Variants in MEIKIN observed in about 807,000 individuals in gnomAD.
MEIKIN encodes the protein meiotic kinetochore factor, also known as meiosis-specific kinetochore protein.
intron 7 of MEIKIN, among the ~76,000 whole-genome samples, chr5:131,912,258 T>C (rs1358073061): frequency 6.6e-6 from 1 of 151,748 alleles, no homozygotes; most frequent in Non-Finnish European, 1.5e-5. Flanking sequence ...CTAAGATTCT[T>C]GTGGAAAGAA....
intron 11 of MEIKIN, among the ~76,000 whole-genome samples, chr5:131,840,352 C>T (rs141546918): frequency 7.4e-4 from 113 of 152,218 alleles, no homozygotes; most frequent in South Asian, 6.2e-3. Flanking sequence ...GGATATCTTC[C>T]TTGTGAAGTA....
chr5:131,818,686 A>C (rs1464613487), intron 12 of MEIKIN, 54 bp downstream of exon 12: 1 of 392,028 alleles, frequency 2.6e-6, no homozygotes, highest in Non-Finnish European at 4.5e-6. Context: ...ATTTTTAATG[A>C]AAAAAATGTT....
chr5:131,837,455 C>T (rs908310594), intron 11 of MEIKIN, among the ~76,000 whole-genome samples: 4 of 152,112 alleles, frequency 2.6e-5, no homozygotes, highest in African/African-American at 9.7e-5. Flanking sequence ...GGTACTATGG[C>T]CATGTTAACG....
chr5:131,944,736 T>A lies in MEIKIN; in HGVS notation c.217A>T (p.Thr73Ser), dbSNP rs1283621469. Residue 73 changes from threonine (T) to serine (S), a missense_variant, in exon 3 of 13, where the codon ACA (threonine) becomes TCA (serine). Transcript: ENST00000442687. ...SGPFSPRLGV[T>S]GEKSLQENRS... ...TTTTCTTGCAGGCTTTTCTCTCCTGTAACTCCTAAGCGAGGGCTAACAAAG... is the reference window on the plus strand; with the variant it reads ...TTTTCTTGCAGGCTTTTCTCTCCTGAAACTCCTAAGCGAGGGCTAACAAAG... 1.3e-5 allele frequency: 5 copies of A among 398,988 alleles called. No homozygotes were observed. In the Admixed American group the frequency reaches 2.2e-4, roughly 18 times the overall value. The allele number at this position is 398,988 out of a possible 1,614,324, so 24.7% of individuals were successfully genotyped here. A position where few individuals can be genotyped will look rare whatever the true frequency, so the allele number is the denominator to read the frequency against.
chr5:131,917,968 T>C (rs1751439889), intron 6 of MEIKIN, among the ~76,000 whole-genome samples: 3 of 152,182 alleles, frequency 2.0e-5, no homozygotes, highest in South Asian at 4.1e-4. Context: ...AGGCATAGCC[T>C]ATAACTCAAT....
chr5:131,860,635 G>A (rs1400027684), intron 9 of MEIKIN, among the ~76,000 whole-genome samples: 3 of 150,432 alleles, frequency 2.0e-5, no homozygotes, highest in African/African-American at 7.4e-5. Context: ...TTTTAGTAGA[G>A]ACGGGGTTTC....
intron 8 of MEIKIN, among the ~76,000 whole-genome samples, chr5:131,882,067 A>G (rs990696744): frequency 1.3e-5 from 2 of 152,100 alleles, no homozygotes; most frequent in Non-Finnish European, 2.9e-5. Flanking sequence ...TTCATCCTTG[A>G]CTTCTATTTT....
chr5:131,926,033 C>A (rs1210296370), intron 5 of MEIKIN, among the ~76,000 whole-genome samples: 1 of 152,162 alleles, frequency 6.6e-6, no homozygotes, highest in Non-Finnish European at 1.5e-5. Context: ...TATTTTACTT[C>A]TTTTCAATTT....
intron 8 of MEIKIN, among the ~76,000 whole-genome samples, chr5:131,909,498 T>C (rs1352655960): frequency 6.6e-6 from 1 of 152,144 alleles, no homozygotes; most frequent in Non-Finnish European, 1.5e-5. Flanking sequence ...TCTAGGACAT[T>C]GGGCTGGGCA....
intron 9 of MEIKIN, among the ~76,000 whole-genome samples, chr5:131,873,061 C>T (rs914099371): frequency 1.3e-5 from 2 of 152,142 alleles, no homozygotes; most frequent in Non-Finnish European, 2.9e-5. Flanking sequence ...ATTGTAAAGA[C>T]CATCAAGGCT....
chr5:131,897,642 C>G (rs1403052656), intron 8 of MEIKIN, among the ~76,000 whole-genome samples: 2 of 151,978 alleles, frequency 1.3e-5, no homozygotes, highest in African/African-American at 2.4e-5. Context: ...TAATTTGATC[C>G]TCAATCACTG....
chr5:131,832,805 G>A (rs561977913), intron 11 of MEIKIN, among the ~76,000 whole-genome samples: 13 of 152,204 alleles, frequency 8.5e-5, no homozygotes, highest in African/African-American at 1.9e-4. Flanking sequence ...CAAGCTCTGC[G>A]TTCACCCCTT....
At chr5:131,874,806 G>C (rs976920870) in intron 9 of MEIKIN, among the ~76,000 whole-genome samples, 5 of 152,132 alleles carry the variant, frequency 3.3e-5, no homozygotes, top group African/African-American at 1.2e-4. Context: ...ATGATCAAGT[G>C]GGCTTCATCC....
chr5:131,839,301 T>C (rs1749864507), intron 11 of MEIKIN, among the ~76,000 whole-genome samples: 2 of 152,062 alleles, frequency 1.3e-5, no homozygotes, highest in Admixed American at 1.3e-4. Flanking sequence ...GTATGTGACA[T>C]GTGGTGATGA....
At chr5:131,891,219 G>A (rs762351113) in intron 8 of MEIKIN, among the ~76,000 whole-genome samples, 23 of 152,206 alleles carry the variant, frequency 1.5e-4, no homozygotes, top group Non-Finnish European at 3.1e-4. Context: ...GAGTTCTGTA[G>A]ATGTCTATTA....
At chr5:131,865,660 T>A (rs868399916) in intron 9 of MEIKIN, among the ~76,000 whole-genome samples, 45 of 152,368 alleles carry the variant, frequency 3.0e-4, no homozygotes, top group Non-Finnish European at 5.3e-4. Flanking sequence ...TTTTCCAATT[T>A]TTTTGAATTT....
chr5:131,892,664 C>A (rs745616508), intron 8 of MEIKIN, among the ~76,000 whole-genome samples: 3 of 152,202 alleles, frequency 2.0e-5, no homozygotes, highest in Non-Finnish European at 2.9e-5. Context: ...GTTCGAACTT[C>A]TTCCTTTAGC....
At chr5:131,878,783 GAGAAC>G (rs1750656282) in intron 9 of MEIKIN, 190 bp downstream of exon 9, 3 of 356,960 alleles carry the variant, frequency 8.4e-6, no homozygotes, top group African/African-American at 4.2e-5. Context: ...GTTGAAACAG[GAGAAC>G]AGCTTGAGCC....
intron 8 of MEIKIN, among the ~76,000 whole-genome samples, chr5:131,905,615 C>A (rs1443764157): frequency 6.6e-6 from 1 of 152,164 alleles, no homozygotes; most frequent in Non-Finnish European, 1.5e-5. Flanking sequence ...ACTGACCCCA[C>A]AGAAATACAA....
Sources: gnomAD v4.1 joint callset for allele counts (sites outside exome capture counted in the v4.1 genomes callset) on GRCh38, gnomAD v4.1.1 for gene constraint, MANE v1.5 for transcripts, NCBI Gene and HGNC (gene_info 2026-07-23, HGNC 2026-07-21) for gene names.